MED12L: variants seen among roughly 807,000 people sequenced by gnomAD.
The protein encoded by MED12L is mediator complex subunit 12L.
Under a neutral mutation model 281.3 loss-of-function variants are expected in MED12L, and 60 were observed. The observed-to-expected ratio is 0.21, with a 90% CI of 0.17 to 0.26. The LOEUF is 0.26. MED12L is among the 10% of genes least tolerant of loss of function. The pLI, the probability that MED12L is intolerant of heterozygous loss-of-function variation, is 1.00. For synonymous variants in MED12L, 974 were observed against 987.2 expected (o/e 0.99, Z 0.25); for missense variants, 2,146 against 2,680.9 (o/e 0.80, Z 4.41).
chr3:151,432,722 A>G (rs756837110), intron 44 of MED12L, 30 bp from the exon 45 acceptor site: 1 of 1,587,364 alleles, frequency 6.3e-7, no homozygotes, highest in South Asian at 1.1e-5. Flanking sequence ...TTGTGTCTGT[A>G]ATTTTGGTTC....
At chr3:151,218,894 A>AAAAAAAAG (rs1728782739) in intron 16 of MED12L, among the ~76,000 whole-genome samples, 1 of 148,438 alleles carries the variant, frequency 6.7e-6, no homozygotes, top group Admixed American at 6.7e-5. Context: ...AAAAAAAAAA[A>AAAAAAAAG]AAAGAGGGGG....
chr3:151,256,317 T>C (rs904303698), intron 16 of MED12L, among the ~76,000 whole-genome samples: 2 of 152,208 alleles, frequency 1.3e-5, no homozygotes, highest in Non-Finnish European at 2.9e-5. Context: ...GGAGTGCTTC[T>C]CGGAGCTTTA....
At chr3:151,286,103 T>C (rs1359788135) in intron 16 of MED12L, among the ~76,000 whole-genome samples, 1 of 152,202 alleles carries the variant, frequency 6.6e-6, no homozygotes, top group Non-Finnish European at 1.5e-5. Context: ...CATCAGTCTC[T>C]CTCAGGAGAA....
chr3:151,172,751 G>T (rs1560118746), intron 11 of MED12L, among the ~76,000 whole-genome samples: 1 of 152,236 alleles, frequency 6.6e-6, no homozygotes, highest in Non-Finnish European at 1.5e-5. Context: ...CAAGGAAAAT[G>T]TGCATGGATG....
chr3:151,102,427 C>T (rs1252848571), intron 2 of MED12L, among the ~76,000 whole-genome samples: 2 of 152,028 alleles, frequency 1.3e-5, no homozygotes, highest in East Asian at 1.9e-4. Flanking sequence ...TACGTTTAGC[C>T]CGTTTCTGAA....
At chr3:151,338,937 T>G (rs1445632471) in intron 16 of MED12L, 1 of 1,282,226 alleles carries the variant, frequency 7.8e-7, no homozygotes, top group Non-Finnish European at 1.1e-6. Context: ...GTAACTTTTT[T>G]GGACACAGCC....
At chr3:151,376,643 A>G (rs555608373) in intron 28 of MED12L, among the ~76,000 whole-genome samples, 157 bp from the exon 29 acceptor site, 1 of 152,318 alleles carries the variant, frequency 6.6e-6, no homozygotes, top group Non-Finnish European at 1.5e-5. Flanking sequence ...GCTACTGAAT[A>G]TATATGCAGC....
intron 16 of MED12L, among the ~76,000 whole-genome samples, chr3:151,259,474 A>T (rs1232890785): frequency 6.6e-6 from 1 of 152,200 alleles, no homozygotes; most frequent in Non-Finnish European, 1.5e-5. Context: ...AAGAGGACTT[A>T]ATTACATGGG....
intron 16 of MED12L, among the ~76,000 whole-genome samples, chr3:151,248,340 A>G (rs1475711789): frequency 3.3e-5 from 5 of 152,198 alleles, no homozygotes; most frequent in South Asian, 2.1e-4. Context: ...TTAATATTTT[A>G]GAGAAGACAT....
chr3:151,311,333 G>GTA lies in MED12L; in HGVS notation c.2251-38714_2251-38713dup, dbSNP rs563197003. On this transcript the variant is annotated intron_variant, in intron 16 of 44. Coordinates refer to ENST00000687756, the MANE Select transcript of MED12L (RefSeq NM_001393769.1). The stretch of plus-strand genomic sequence containing the variant: ...ATATATATATAAACTGTGTGTGTGT[G>GTA]TATATATATATATTTAGTGTTGTTG... Among the ~76,000 whole-genome samples the GTA allele has an allele frequency of 8.9e-3, 1,341 of 150,994 alleles. 7 individuals are homozygous for GTA. Among genetic ancestry groups the GTA allele is most frequent in the South Asian group, 0.017 (80 of 4,780 alleles).
intron 16 of MED12L, among the ~76,000 whole-genome samples, chr3:151,288,813 G>A (rs1392155918): frequency 1.9e-5 from 1 of 53,370 alleles, no homozygotes; most frequent in East Asian, 4.1e-4. Flanking sequence ...ACTGTAAGTA[G>A]TTGCATAAAG....
At chr3:151,211,703 A>G (rs1727195424) in intron 16 of MED12L, among the ~76,000 whole-genome samples, 1 of 152,224 alleles carries the variant, frequency 6.6e-6, no homozygotes, top group Non-Finnish European at 1.5e-5. Context: ...GCTGGAGTGC[A>G]GTAGCACAAT....
intron 16 of MED12L, chr3:151,270,196 CGTGTGTGTGTGTGT>C (rs55920434): frequency 3.1e-4 from 40 of 129,706 alleles, no homozygotes; most frequent in African/African-American, 9.2e-4. Context: ...AGCAAGCTGT[CGTGTGTGTGTGTGT>C]GTGTGTGTGT....
At chr3:151,262,925 A>G (rs1341537037) in intron 16 of MED12L, among the ~76,000 whole-genome samples, 1 of 152,198 alleles carries the variant, frequency 6.6e-6, no homozygotes, top group Non-Finnish European at 1.5e-5. Context: ...TTGCCTGAAG[A>G]CACGTAGCTG....
At chr3:151,377,943 T>G in intron 30 of MED12L, 69 bp from the exon 31 acceptor site, 1 of 1,414,630 alleles carries the variant, frequency 7.1e-7, no homozygotes, top group Admixed American at 2.4e-5. Context: ...CGCTTTGGAG[T>G]TTCTGTTATA....
intron 16 of MED12L, among the ~76,000 whole-genome samples, chr3:151,194,815 T>C (rs1724428086): frequency 6.6e-6 from 1 of 152,190 alleles, no homozygotes; most frequent in African/African-American, 2.4e-5. Context: ...GGATTTTTAT[T>C]TTAAGTACAA....
intron 43 of MED12L, among the ~76,000 whole-genome samples, chr3:151,423,027 A>ATATATG (rs1718455141): frequency 6.9e-6 from 1 of 144,582 alleles, no homozygotes; most frequent in Non-Finnish European, 1.5e-5. Context: ...ATATATATAT[A>ATATATG]TATATATTTT....
At chr3:151,354,504 T>A (rs1246982475) in intron 17 of MED12L, among the ~76,000 whole-genome samples, 2 of 152,204 alleles carry the variant, frequency 1.3e-5, no homozygotes, top group Non-Finnish European at 2.9e-5. Context: ...AGTAACAAGA[T>A]GAGTCTCCAA....
chr3:151,151,859 C>T (rs1035280606), intron 5 of MED12L, among the ~76,000 whole-genome samples: 1 of 152,042 alleles, frequency 6.6e-6, no homozygotes, highest in Non-Finnish European at 1.5e-5. Flanking sequence ...TGCCACAAAC[C>T]TTCAGTTTCT....
Sources: gnomAD v4.1 joint callset for allele counts (sites outside exome capture counted in the v4.1 genomes callset) on GRCh38, gnomAD v4.1.1 for gene constraint, MANE v1.5 for transcripts, NCBI Gene and HGNC (gene_info 2026-07-23, HGNC 2026-07-21) for gene names.